The following VPS13D variants were observed in gnomAD, a reference collection of about 807,000 sequenced individuals.
VPS13D encodes the protein vacuolar protein sorting 13 homolog D, also known as intermembrane lipid transfer protein VPS13D.
VPS13D carries 187 observed loss-of-function variants against 461.9 expected under a neutral mutation model. The observed-to-expected ratio is 0.40, with a 90% CI of 0.36 to 0.46. The LOEUF is 0.46. Among genes scored for constraint, VPS13D ranks in the 20% least tolerant of loss-of-function variants. The pLI, the probability that VPS13D is intolerant of heterozygous loss-of-function variation, is 0.60. For missense variants in VPS13D, 4,711 were observed against 5,364.9 expected (o/e 0.88, Z 3.81); for synonymous variants, 1,951 against 1,986.3 (o/e 0.98, Z 0.47).
At chr1:12,332,657 G>C (rs571904992) in intron 37 of VPS13D, among the ~76,000 whole-genome samples, 4 of 152,176 alleles carry the variant, frequency 2.6e-5, no homozygotes, top group Non-Finnish European at 5.9e-5. Context: ...GAATGAGATG[G>C]TAGGGAATGG....
At chr1:12,378,665 A>G in intron 56 of VPS13D, 74 bp downstream of exon 56, 1 of 1,383,450 alleles carries the variant, frequency 7.2e-7, no homozygotes, top group Middle Eastern at 2.0e-4. Context: ...TACAACAAAA[A>G]CTAAGAGTTC....
chr1:12,307,706 G>T (rs1254743824), intron 26 of VPS13D, among the ~76,000 whole-genome samples: 1 of 152,060 alleles, frequency 6.6e-6, no homozygotes, highest in Non-Finnish European at 1.5e-5. Context: ...TGGCCAGGCT[G>T]GTCTTGAACT....
chr1:12,250,466 T>C (rs1348597443), intron 6 of VPS13D, among the ~76,000 whole-genome samples: 1 of 152,240 alleles, frequency 6.6e-6, no homozygotes, highest in Non-Finnish European at 1.5e-5. Flanking sequence ...AGACCAAATA[T>C]ATTTCATGTA....
At chr1:12,292,114 C>T (rs570040663) in intron 23 of VPS13D, among the ~76,000 whole-genome samples, 27 of 151,802 alleles carry the variant, frequency 1.8e-4, no homozygotes, top group South Asian at 6.3e-4. Flanking sequence ...TAAAAATTAG[C>T]GGGGTGTGGT....
intron 65 of VPS13D, among the ~76,000 whole-genome samples, 186 bp from the exon 66 acceptor site, chr1:12,455,812 G>A (rs956548209): frequency 6.6e-6 from 1 of 152,054 alleles, no homozygotes. Flanking sequence ...TCAGCTACTC[G>A]GGAGCCTGAG....
intron 30 of VPS13D, among the ~76,000 whole-genome samples, chr1:12,315,362 A>T (rs186362463): frequency 6.6e-6 from 1 of 152,298 alleles, no homozygotes; most frequent in African/African-American, 2.4e-5. Flanking sequence ...GTTTTTCGAG[A>T]GAGGTCATGA....
intron 67 of VPS13D, among the ~76,000 whole-genome samples, chr1:12,487,972 A>T (rs1461531373): frequency 6.6e-6 from 1 of 152,198 alleles, no homozygotes; most frequent in African/African-American, 2.4e-5. Context: ...TGCTAGTTTG[A>T]TTTGCTCTAG....
intron 52 of VPS13D, among the ~76,000 whole-genome samples, chr1:12,363,951 CAAAAAAAAA>C (rs70987247): frequency 6.7e-5 from 3 of 44,582 alleles, no homozygotes; most frequent in African/African-American, 1.0e-4. Flanking sequence ...GACTCTATCT[CAAAAAAAAA>C]AAAAAAAAAA....
chr1:12,484,976 G>A (rs1010119779), intron 67 of VPS13D, among the ~76,000 whole-genome samples: 11 of 151,130 alleles, frequency 7.3e-5, no homozygotes, highest in Non-Finnish European at 1.6e-4. Flanking sequence ...GTACACACAC[G>A]TGTGTGTGTG....
At chr1:12,285,768 CT>C (rs1641947997) in intron 21 of VPS13D, among the ~76,000 whole-genome samples, 1 of 152,068 alleles carries the variant, frequency 6.6e-6, no homozygotes, top group African/African-American at 2.4e-5. Flanking sequence ...CAAAAATGCC[CT>C]TTTATTGGTG....
intron 54 of VPS13D, 98 bp downstream of exon 54, chr1:12,369,800 A>G: frequency 9.0e-7 from 1 of 1,112,894 alleles, no homozygotes; most frequent in Non-Finnish European, 1.3e-6. Flanking sequence ...CAAAGTACAA[A>G]GGAAGATTCT....
intron 52 of VPS13D, among the ~76,000 whole-genome samples, chr1:12,365,111 T>C (rs1395230379): frequency 1.3e-5 from 2 of 152,228 alleles, no homozygotes; most frequent in Non-Finnish European, 2.9e-5. Flanking sequence ...ATCTATTTCA[T>C]TGGTCTATAT....
chr1:12,304,597 A>G lies in VPS13D; in HGVS notation c.6308A>G (p.Gln2103Arg), dbSNP rs772392902. The G allele has an allele frequency of 2.9e-5, 46 of 1,614,034 alleles. No individual in the cohort carries two copies. The highest frequency in any genetic ancestry group is 3.6e-5 in the Non-Finnish European group (43 of 1,180,030). ...GAGGAGCCCAGGGGAACCCATTCCCAGGGGCAGTTCACGATGCCTCTTGCT... is the reference window on the plus strand; with the variant it reads ...GAGGAGCCCAGGGGAACCCATTCCCGGGGGCAGTTCACGATGCCTCTTGCT... The part of the protein sequence containing the change: ...STEEPRGTHS[Q>R]GQFTMPLAGM... Residue 2103 changes from glutamine to arginine, a missense_variant, in exon 26 of 70, where the codon CAG becomes CGG. Physicochemically the swap from Gln to Arg is conservative, Grantham distance 43. Coordinates refer to ENST00000620676, the MANE Select transcript of VPS13D (RefSeq NM_015378.4).
At chr1:12,399,075 A>G (rs942345696) in intron 60 of VPS13D, among the ~76,000 whole-genome samples, 7 of 152,256 alleles carry the variant, frequency 4.6e-5, no homozygotes, top group African/African-American at 1.4e-4. Context: ...ACTTGGGATC[A>G]TGCATATGAA....
intron 52 of VPS13D, among the ~76,000 whole-genome samples, chr1:12,364,559 A>G (rs1295533229): frequency 1.3e-5 from 2 of 152,284 alleles, no homozygotes; most frequent in Admixed American, 6.5e-5. Context: ...AGGAACCACC[A>G]TAGGTTTCTG....
chr1:12,320,897 A>G (rs375549720), intron 32 of VPS13D, among the ~76,000 whole-genome samples: 6 of 152,230 alleles, frequency 3.9e-5, no homozygotes, highest in African/African-American at 9.6e-5. Flanking sequence ...GACCAGCTTG[A>G]TAAATCATCA....
At chr1:12,382,831 A>G in intron 57 of VPS13D, 145 bp from the exon 58 acceptor site, 1 of 684,850 alleles carries the variant, frequency 1.5e-6, no homozygotes. Flanking sequence ...GCAAAGCTGA[A>G]CAAATAGTAA....
At chr1:12,447,272 A>C (rs1645204690) in intron 65 of VPS13D, among the ~76,000 whole-genome samples, 1 of 152,068 alleles carries the variant, frequency 6.6e-6, no homozygotes, top group Non-Finnish European at 1.5e-5. Flanking sequence ...TGGTTGGGTT[A>C]CCTCTCTAGG....
chr1:12,415,338 C>T (rs539137095), intron 64 of VPS13D, 117 bp downstream of exon 64: 3 of 1,367,546 alleles, frequency 2.2e-6, no homozygotes, highest in African/African-American at 2.9e-5. Flanking sequence ...CATTTCAACT[C>T]TGTTGTGTTA....
Sources: gnomAD v4.1 joint callset for allele counts (sites outside exome capture counted in the v4.1 genomes callset) on GRCh38, gnomAD v4.1.1 for gene constraint, MANE v1.5 for transcripts, NCBI Gene and HGNC (gene_info 2026-07-23, HGNC 2026-07-21) for gene names.